COL3A1: variants seen among roughly 807,000 people sequenced by gnomAD.
The protein encoded by COL3A1 is collagen type III alpha 1 chain.
In COL3A1, 46 loss-of-function variants were observed where a neutral mutation model predicts 200.9. The observed-to-expected ratio is 0.23, with a 90% confidence interval of 0.18 to 0.29. The LOEUF is 0.29. COL3A1 is among the 10% of genes least tolerant of loss of function. COL3A1 has a pLI of 1.00. For missense variants in COL3A1, 1,367 were observed against 1,917.6 expected (o/e 0.71, Z 5.36); for synonymous variants, 650 against 628.0 (o/e 1.03, Z -0.52).
rs758992360 is a variant in COL3A1, at chr2:189,003,462, C to A, written c.2605C>A (p.Pro869Thr). The change falls in exon 37 of 51, where the codon CCT becomes ACT. Residue 869 changes from proline to threonine, a missense_variant and splice_region_variant. This residue lies in a region of COL3A1 where 846 missense variants were observed against 1,147.9 expected (regional missense o/e 0.74). Transcript: ENST00000304636. ...VKGERGSPGG[P>T]GAAGFPGARG... is the part of the protein sequence containing the mutation. ...AGGTGAACGTGGCAGTCCTGGTGGA[C>A]CTGTAAGTATTGATCCTCTTAACTA... 3 of 1,613,154 alleles carry A rather than the reference C, an allele frequency of 1.9e-6. No homozygotes were observed. The highest frequency in any genetic ancestry group is 1.7e-6 in the Non-Finnish European group (2 of 1,179,352).
intron 1 of COL3A1, among the ~76,000 whole-genome samples, chr2:188,981,658 A>G (rs1016996310): frequency 9.2e-5 from 14 of 151,464 alleles, no homozygotes; most frequent in Admixed American, 2.6e-4. Flanking sequence ...CCCATTTTCT[A>G]TTCTATTTCT....
At chr2:188,992,775 T>C in intron 14 of COL3A1, 112 bp from the exon 15 acceptor site, 1 of 876,450 alleles carries the variant, frequency 1.1e-6, no homozygotes, top group South Asian at 1.4e-5. Context: ...ATGAATATCA[T>C]TTTTATCTGC....
intron 1 of COL3A1, 70 bp from the exon 2 acceptor site, chr2:188,984,690 T>G (rs1459262658): frequency 7.2e-7 from 1 of 1,393,484 alleles, no homozygotes; most frequent in Non-Finnish European, 1.0e-6. Context: ...TTAATAGTCC[T>G]AACAGAGTAA....
At position 188,995,787 on chromosome 2, in the gene COL3A1, G is replaced by A. The variant is rs1688293628; in HGVS notation, c.1605G>A (p.Met535Ile). 6.4e-7 allele frequency: 1 copy of A among 1,556,596 alleles called. No homozygotes were observed. The highest frequency in any genetic ancestry group is 8.7e-7 in the Non-Finnish European group (1 of 1,149,042). The change falls in exon 22 of 51, where the codon ATG (methionine) becomes ATA (isoleucine). Residue 535 changes from methionine to isoleucine, a missense_variant. Physicochemically the swap from Met to Ile is conservative, Grantham distance 10 (BLOSUM62 1). Around this residue, in one of 5 missense-constraint regions of COL3A1, gnomAD observed 462 missense variants for 681.4 expected, o/e 0.68. Transcript: ENST00000304636. ...ATGGCGTCCCTGGAGGTCCAGGAAT[G>A]AGGGTACAGAGAAACATTTGTTTGA... is the stretch of plus-strand genomic sequence containing the variant. ...GRDGVPGGPG[M>I]RGMPGSPGGP...
chr2:188,989,634 C>G (rs1174911606), intron 8 of COL3A1, among the ~76,000 whole-genome samples, 185 bp downstream of exon 8: 1 of 152,104 alleles, frequency 6.6e-6, no homozygotes, highest in African/African-American at 2.4e-5. Context: ...CTATATATAT[C>G]ATTTGTTGAA....
chr2:189,000,177 G>C (rs932731796), intron 32 of COL3A1, among the ~76,000 whole-genome samples: 4 of 152,082 alleles, frequency 2.6e-5, no homozygotes, highest in African/African-American at 9.7e-5. Flanking sequence ...TGAAATTTAG[G>C]ATAATCAATG....
chr2:189,006,101 AT>A, intron 41 of COL3A1, 104 bp from the exon 42 acceptor site: 1 of 1,251,372 alleles, frequency 8.0e-7, no homozygotes, highest in Non-Finnish European at 1.2e-6. Flanking sequence ...CCAAGAACCA[AT>A]TTTAACCCCC....
At chr2:189,007,810 G>T in intron 45 of COL3A1, 75 bp from the exon 46 acceptor site, 1 of 1,539,756 alleles carries the variant, frequency 6.5e-7, no homozygotes, top group Non-Finnish European at 9.0e-7. Flanking sequence ...CATGTTTCTT[G>T]ATCTGATCTT....
intron 24 of COL3A1, 59 bp downstream of exon 24, chr2:188,996,555 T>C: frequency 7.1e-7 from 1 of 1,411,406 alleles, no homozygotes; most frequent in South Asian, 1.2e-5. Context: ...TTATTTTCCA[T>C]ATGGAGTAAA....
rs769789431 is a variant in COL3A1 at position 189,006,920 on chromosome 2, G to A, written c.3202-17G>A. On this transcript the variant is annotated splice_polypyrimidine_tract_variant and intron_variant, in intron 43 of 50. Coordinates refer to ENST00000304636, the MANE Select transcript of COL3A1 (RefSeq NM_000090.4). ...TAGTTCCGTGTATGTCTTCTCAATT[G>A]AATGTTTTCATCTTAGGGCCCTGCT... is the stretch of plus-strand genomic sequence containing the variant. The A allele has an allele frequency of 1.2e-4, 187 of 1,613,042 alleles. 2 individuals carry two copies. In the South Asian group the frequency reaches 1.2e-3, roughly 10 times the overall value.
At chr2:189,003,549 A>G in intron 37 of COL3A1, 85 bp downstream of exon 37, 1 of 1,419,232 alleles carries the variant, frequency 7.0e-7, no homozygotes, top group Non-Finnish European at 9.9e-7. Context: ...CACTAGTTCC[A>G]TAAAGAGAAT....
intron 41 of COL3A1, among the ~76,000 whole-genome samples, chr2:189,005,981 G>A (rs752699353): frequency 6.6e-6 from 1 of 151,682 alleles, no homozygotes; most frequent in South Asian, 2.1e-4. Flanking sequence ...ACTCTTTTTG[G>A]ATATCATTTT....
intron 1 of COL3A1, among the ~76,000 whole-genome samples, chr2:188,979,147 G>A (rs933068476): frequency 2.0e-5 from 3 of 151,892 alleles, no homozygotes; most frequent in African/African-American, 7.2e-5. Flanking sequence ...AACTTCCCTT[G>A]AATTCTAGTA....
chr2:189,010,427 A>G, intron 49 of COL3A1, 62 bp downstream of exon 49: 1 of 1,589,868 alleles, frequency 6.3e-7, no homozygotes, highest in Non-Finnish European at 8.6e-7. Flanking sequence ...TTCTTCCTAT[A>G]TGTTCATCAC....
At position 189,008,092 on chromosome 2, in the gene COL3A1, C is replaced by G; in HGVS notation, c.3475C>G (p.Pro1159Ala). Residue 1159 changes from proline to alanine, a missense_variant, in exon 47 of 51, where the codon CCC becomes GCC. This residue lies in a region of COL3A1 where 846 missense variants were observed against 1,147.9 expected (regional missense o/e 0.74). Coordinates refer to ENST00000304636, the MANE Select transcript of COL3A1 (RefSeq NM_000090.4). Reference sequence around the variant, plus strand: ...AGATGGAACCAGTGGACATCCAGGTCCCATTGGACCACCAGGGCCTCGAGG... The same window carrying G: ...AGATGGAACCAGTGGACATCCAGGTGCCATTGGACCACCAGGGCCTCGAGG... ...GKDGTSGHPG[P>A]IGPPGPRGNR... 6.2e-7 allele frequency: 1 copy of G among 1,613,940 alleles called. No individual in the cohort carries two copies. Among genetic ancestry groups the G allele is most frequent in the Non-Finnish European group, 8.5e-7 (1 of 1,179,926 alleles).
intron 38 of COL3A1, 26 bp downstream of exon 38, chr2:189,003,813 C>T (rs761875882): frequency 1.3e-5 from 21 of 1,611,842 alleles, no homozygotes; most frequent in East Asian, 2.2e-5. Context: ...AGTCTTTTCT[C>T]ATCATACACT....
In COL3A1 at chr2:189,009,027, G is replaced by T; in HGVS notation, c.3629G>T (p.Gly1210Val). 5 of 1,614,212 alleles carry T rather than the reference G, an allele frequency of 3.1e-6. No homozygotes were observed. The highest frequency in any genetic ancestry group is 4.2e-6 in the Non-Finnish European group (5 of 1,180,038). Residue 1210 changes from glycine to valine, a missense_variant, in exon 48 of 51, where the codon GGT (glycine) becomes GTT (valine). Coordinates refer to ENST00000304636, the MANE Select transcript of COL3A1 (RefSeq NM_000090.4). ...GCCGCTGCCATTGCTGGGATTGGAG[G>T]TGAAAAAGCTGGCGGTTTTGCCCCG... The part of the protein sequence containing the change: ...VGAAAIAGIG[G>V]EKAGGFAPYY...
intron 28 of COL3A1, 45 bp downstream of exon 28, chr2:188,998,364 C>T (rs1286416800): frequency 1.3e-5 from 20 of 1,506,908 alleles, no homozygotes; most frequent in Non-Finnish European, 1.8e-5. Flanking sequence ...AAAAAGAATA[C>T]ACACTGTTTG....
At chr2:188,997,622 A>AG (rs1688358889) in intron 26 of COL3A1, 78 bp from the exon 27 acceptor site, 4 of 1,420,842 alleles carry the variant, frequency 2.8e-6, no homozygotes, top group Admixed American at 3.5e-5. Flanking sequence ...TAATTAAGCA[A>AG]CAGGCCTGTT....
Sources: allele counts gnomAD v4.1 joint callset (sites outside exome capture counted in the v4.1 genomes callset), GRCh38; gene constraint gnomAD v4.1.1; regional missense constraint gnomAD v4.1.1; transcripts MANE v1.5; gene names NCBI Gene and HGNC (gene_info 2026-07-23, HGNC 2026-07-21).